CFAP47: variants seen among roughly 807,000 people sequenced by gnomAD.
The protein encoded by CFAP47 is cilia- and flagella-associated protein 47.
A neutral mutation model predicts 148.1 loss-of-function variants in CFAP47; 29 were observed. The observed-to-expected ratio is 0.20, with a 90% confidence interval of 0.15 to 0.27. CFAP47 has a LOEUF of 0.27. CFAP47 is among the 10% of genes least tolerant of loss of function. The probability of loss-of-function intolerance (pLI) is 1.00; values close to 1 mark genes in which losing one functional copy is unlikely to be tolerated. For missense variants in CFAP47, 1,872 were observed against 1,697.5 expected (o/e 1.10, Z -1.81); for synonymous variants, 664 against 577.3 (o/e 1.15, Z -2.15).
At chrX:36,205,536 AT>A (rs1940030236) in intron 45 of CFAP47, among the ~76,000 whole-genome samples, 1 of 111,377 alleles carries the variant, frequency 9.0e-6, no homozygotes, top group Non-Finnish European at 1.9e-5. Context: ...GAGGAGAAGA[AT>A]GTGTTATTGG....
At chrX:36,168,487 GTTA>G (rs1221368297) in intron 39 of CFAP47, among the ~76,000 whole-genome samples, 1 of 111,858 alleles carries the variant, frequency 8.9e-6, no homozygotes, top group East Asian at 2.8e-4. Flanking sequence ...TTTCCCTAGT[GTTA>G]TTATACCAAT....
chrX:36,312,346 T>A (rs1186006627), intron 56 of CFAP47, among the ~76,000 whole-genome samples: 2 of 110,996 alleles, frequency 1.8e-5, no homozygotes, highest in Non-Finnish European at 3.8e-5. Flanking sequence ...AGTAGAGAAT[T>A]TGAAGAGTGG....
At chrX:36,095,211 C>A (rs1938254337) in intron 30 of CFAP47, among the ~76,000 whole-genome samples, 1 of 111,560 alleles carries the variant, frequency 9.0e-6, no homozygotes, top group East Asian at 2.8e-4. Context: ...ATACATTAAA[C>A]CATTCTTGAC....
chrX:36,275,300 C>G (rs1556002494), intron 49 of CFAP47, among the ~76,000 whole-genome samples: 2 of 109,658 alleles, frequency 1.8e-5, no homozygotes, highest in African/African-American at 6.6e-5. Flanking sequence ...TCTTGAACTC[C>G]TGGGCTTAAG....
At chrX:36,134,981 T>C (rs1390715327) in intron 33 of CFAP47, among the ~76,000 whole-genome samples, 1 of 111,158 alleles carries the variant, frequency 9.0e-6, no homozygotes, top group South Asian at 3.7e-4. Context: ...AGTTGCCCAA[T>C]ACAATTACTA....
intron 25 of CFAP47, among the ~76,000 whole-genome samples, chrX:36,043,072 T>G (rs989418569): frequency 1.8e-5 from 2 of 112,123 alleles, no homozygotes; most frequent in African/African-American, 6.5e-5. Context: ...AATGATGGAA[T>G]GATTGAATAT....
chrX:36,005,304 A>G (rs753123330), intron 21 of CFAP47, among the ~76,000 whole-genome samples: 1 of 111,379 alleles, frequency 9.0e-6, no homozygotes, highest in East Asian at 2.8e-4. Flanking sequence ...TTCACTTTTT[A>G]AATATAGGTT....
intron 51 of CFAP47, among the ~76,000 whole-genome samples, chrX:36,296,909 A>C (rs1941247835): frequency 8.9e-6 from 1 of 112,003 alleles, no homozygotes; most frequent in African/African-American, 3.2e-5. Flanking sequence ...CAGGTTACCC[A>C]GGAAATTAGT....
chrX:36,018,802 C>CT (rs1334081242), intron 22 of CFAP47, among the ~76,000 whole-genome samples: 92 of 97,928 alleles, frequency 9.4e-4, no homozygotes, highest in East Asian at 6.3e-3. Context: ...CCTGTCCTAT[C>CT]TTTTTTTTTT....
chrX:36,040,187 C>G (rs1937386467), intron 25 of CFAP47, among the ~76,000 whole-genome samples: 1 of 111,937 alleles, frequency 8.9e-6, no homozygotes, highest in African/African-American at 3.2e-5. Context: ...GTATTAATTT[C>G]AAATGCAATA....
At chrX:36,292,266 G>A (rs1476554468) in intron 51 of CFAP47, among the ~76,000 whole-genome samples, 1 of 111,506 alleles carries the variant, frequency 9.0e-6, no homozygotes, top group Non-Finnish European at 1.9e-5. Flanking sequence ...GCAAAGGAAT[G>A]ACGATGGTGT....
Position 36,206,402 on chromosome X carries a change from A to G in CFAP47, c.6817+1292A>G, listed in dbSNP as rs1433189629. ...GGATTGTGAATGTATTTATTCAGCC[A>G]TTCGTTCATCGACAATGTTGAGCAT... On this transcript the variant is annotated intron_variant, in intron 45 of 63. Transcript: ENST00000378653. 4.5e-5 allele frequency among the ~76,000 whole-genome samples: 5 copies of G among 111,921 alleles called. No homozygotes were observed. The East Asian group carries it at 1.4e-3, about 31-fold the overall frequency.
chrX:35,926,913 G>A (rs1311435678), intron 2 of CFAP47, among the ~76,000 whole-genome samples: 1 of 110,424 alleles, frequency 9.1e-6, no homozygotes, highest in African/African-American at 3.3e-5. Context: ...GGGAGGCCAA[G>A]GCGGGTGGAT....
intron 32 of CFAP47, among the ~76,000 whole-genome samples, chrX:36,102,402 G>A (rs1938391251): frequency 9.0e-6 from 1 of 111,261 alleles, no homozygotes; most frequent in African/African-American, 3.3e-5. Flanking sequence ...TTAATTCTTC[G>A]TTTTATTTTT....
intron 62 of CFAP47, among the ~76,000 whole-genome samples, chrX:36,368,751 C>T (rs980632583): frequency 5.6e-4 from 62 of 111,149 alleles, no homozygotes; most frequent in Middle Eastern, 4.6e-3. Flanking sequence ...AAAATATAAC[C>T]CATAATGTTG....
intron 53 of CFAP47, among the ~76,000 whole-genome samples, chrX:36,303,434 C>T (rs1381159678): frequency 9.0e-6 from 1 of 110,896 alleles, no homozygotes; most frequent in Non-Finnish European, 1.9e-5. Context: ...ACCCTCCAGA[C>T]TCAGCTTCCC....
intron 40 of CFAP47, among the ~76,000 whole-genome samples, chrX:36,187,677 T>A (rs925368461): frequency 6.3e-5 from 7 of 111,506 alleles, no homozygotes; most frequent in African/African-American, 1.3e-4. Flanking sequence ...TATTACCTTT[T>A]TTTAAAAAAG....
intron 50 of CFAP47, among the ~76,000 whole-genome samples, chrX:36,285,339 A>G (rs1021805164): frequency 3.6e-5 from 4 of 111,926 alleles, no homozygotes; most frequent in African/African-American, 1.3e-4. Context: ...CCTTAACTTA[A>G]AAGTAAAACA....
intron 26 of CFAP47, among the ~76,000 whole-genome samples, chrX:36,061,304 A>G (rs1461592253): frequency 9.0e-6 from 1 of 111,569 alleles, no homozygotes; most frequent in African/African-American, 3.3e-5. Flanking sequence ...TTCTTCATAA[A>G]TTGCCCAACC....
Sources: gnomAD v4.1 joint callset for allele counts (sites outside exome capture counted in the v4.1 genomes callset) on GRCh38, gnomAD v4.1.1 for gene constraint, MANE v1.5 for transcripts, NCBI Gene and HGNC (gene_info 2026-07-23, HGNC 2026-07-21) for gene names.